The following CSMD1 variants were observed in gnomAD, a reference collection of about 807,000 sequenced individuals.
The protein encoded by CSMD1 is CUB and Sushi multiple domains 1.
In CSMD1, 213 loss-of-function variants were observed where a neutral mutation model predicts 417.5. The ratio of observed to expected loss-of-function variants is 0.51; its 90% CI spans 0.46 to 0.57. The LOEUF (loss-of-function observed/expected upper bound fraction) is 0.57, where lower values mean the gene tolerates loss of function less well. Ranked by LOEUF, CSMD1 falls within the 20% of genes least tolerant of loss-of-function variation. CSMD1 has a pLI of 0.00. For synonymous variants in CSMD1, 2,862 were observed against 1,736.8 expected (o/e 1.65, Z -16.11); for missense variants, 6,923 against 4,529.7 (o/e 1.53, Z -15.17).
intron 37 of CSMD1, among the ~76,000 whole-genome samples, chr8:3,164,075 A>G (rs1278704125): frequency 6.6e-6 from 1 of 152,148 alleles, no homozygotes; most frequent in Non-Finnish European, 1.5e-5. Flanking sequence ...ATCCTTCACC[A>G]GCTTGCCGAG....
intron 10 of CSMD1, among the ~76,000 whole-genome samples, chr8:3,514,644 C>G (rs1019071513): frequency 6.6e-6 from 1 of 152,054 alleles, no homozygotes; most frequent in Non-Finnish European, 1.5e-5. Context: ...TCATATATAA[C>G]CCAGGCTACA....
At chr8:4,115,700 G>C (rs1343473611) in intron 3 of CSMD1, among the ~76,000 whole-genome samples, 1 of 152,116 alleles carries the variant, frequency 6.6e-6, no homozygotes, top group Non-Finnish European at 1.5e-5. Context: ...CCTGTAAGAG[G>C]TGAGTGAATA....
chr8:3,891,044 TTTTTG>T (rs763567875), intron 5 of CSMD1, among the ~76,000 whole-genome samples: 1 of 152,030 alleles, frequency 6.6e-6, no homozygotes, highest in Non-Finnish European at 1.5e-5. Context: ...TTTTGTTTTT[TTTTTG>T]TTTTATTTTA....
chr8:4,076,330 G>A (rs184802741), intron 3 of CSMD1, among the ~76,000 whole-genome samples: 13 of 152,296 alleles, frequency 8.5e-5, no homozygotes, highest in East Asian at 1.9e-4. Flanking sequence ...CAGCCTTGCA[G>A]AACTGTGTGT....
At chr8:4,092,324 G>A (rs1159758174) in intron 3 of CSMD1, among the ~76,000 whole-genome samples, 1 of 152,232 alleles carries the variant, frequency 6.6e-6, no homozygotes, top group Non-Finnish European at 1.5e-5. Flanking sequence ...GTCCTTTCCT[G>A]TGTCTGATGC....
At chr8:3,145,977 T>G (rs918462174) in intron 40 of CSMD1, among the ~76,000 whole-genome samples, 1 of 152,256 alleles carries the variant, frequency 6.6e-6, no homozygotes, top group African/African-American at 2.4e-5. Flanking sequence ...AGTTAAACCC[T>G]AGTTTTTAGT....
intron 8 of CSMD1, among the ~76,000 whole-genome samples, chr8:3,603,520 C>T (rs571040991): frequency 6.6e-4 from 101 of 152,200 alleles, no homozygotes; most frequent in Middle Eastern, 6.8e-3. Flanking sequence ...GAGTAAAAAT[C>T]ACTTACAGAA....
intron 1 of CSMD1, among the ~76,000 whole-genome samples, chr8:4,699,957 C>T (rs903070555): frequency 6.6e-6 from 1 of 152,128 alleles, no homozygotes; most frequent in African/African-American, 2.4e-5. Flanking sequence ...ATAAGACAGG[C>T]TTGGATTCTG....
intron 1 of CSMD1, among the ~76,000 whole-genome samples, chr8:4,677,236 G>A (rs1805753636): frequency 6.6e-6 from 1 of 151,258 alleles, no homozygotes; most frequent in South Asian, 2.1e-4. Flanking sequence ...AATGCTCAGG[G>A]AATTTTAGAA....
At chr8:3,498,498 C>G (rs1796459407) in intron 10 of CSMD1, among the ~76,000 whole-genome samples, 1 of 152,146 alleles carries the variant, frequency 6.6e-6, no homozygotes, top group African/African-American at 2.4e-5. Flanking sequence ...GGCATTAGAT[C>G]TGTTTGGTGA....
chr8:4,724,625 TG>T (rs1186726623), intron 1 of CSMD1, among the ~76,000 whole-genome samples: 1 of 151,870 alleles, frequency 6.6e-6, no homozygotes, highest in Non-Finnish European at 1.5e-5. Flanking sequence ...TGATATTATT[TG>T]GAAAAAATAA....
At chr8:4,115,786 C>T (rs554644075) in intron 3 of CSMD1, among the ~76,000 whole-genome samples, 2 of 151,658 alleles carry the variant, frequency 1.3e-5, no homozygotes, top group Non-Finnish European at 2.9e-5. Flanking sequence ...CATGAAAAGT[C>T]ATGGTGGAAT....
At chr8:4,231,788 C>G (rs1021317960) in intron 3 of CSMD1, among the ~76,000 whole-genome samples, 6 of 152,178 alleles carry the variant, frequency 3.9e-5, no homozygotes, top group East Asian at 1.9e-4. Flanking sequence ...AGTCCCCATA[C>G]TCAGGGTTCT....
chr8:3,616,069 A>G (rs1206978041), intron 8 of CSMD1, among the ~76,000 whole-genome samples: 1 of 152,222 alleles, frequency 6.6e-6, no homozygotes, highest in Non-Finnish European at 1.5e-5. Flanking sequence ...AAGTTTTTTA[A>G]TGAAATAACT....
intron 50 of CSMD1, among the ~76,000 whole-genome samples, chr8:3,043,002 G>C (rs1811210829): frequency 6.6e-6 from 1 of 151,344 alleles, no homozygotes; most frequent in East Asian, 2.0e-4. Flanking sequence ...TATAGCGATA[G>C]GTTTCTATGA....
chr8:3,588,789 G>C (rs73179184), intron 8 of CSMD1, among the ~76,000 whole-genome samples: 1,987 of 152,176 alleles, frequency 0.013, 25 homozygotes, highest in Middle Eastern at 0.027. Flanking sequence ...AGAGTGAAGA[G>C]ACACCCTGCA....
At chr8:3,935,200 C>T (rs1009222494) in intron 5 of CSMD1, among the ~76,000 whole-genome samples, 1 of 152,090 alleles carries the variant, frequency 6.6e-6, no homozygotes, top group Admixed American at 6.6e-5. Flanking sequence ...TTACTAATAA[C>T]AAAGCTCCAA....
chr8:4,928,903 A>T (rs11136794), intron 1 of CSMD1, among the ~76,000 whole-genome samples: 3,280 of 152,030 alleles, frequency 0.022, 84 homozygotes, highest in African/African-American at 0.064. Flanking sequence ...ACCCCATCTC[A>T]ACTAAAAATA....
At chr8:4,655,109 T>C (rs1804145832) in intron 1 of CSMD1, among the ~76,000 whole-genome samples, 1 of 152,086 alleles carries the variant, frequency 6.6e-6, no homozygotes, top group Admixed American at 6.5e-5. Context: ...CCTATATTAC[T>C]AATTTCAAGG....
Sources: allele counts gnomAD v4.1 joint callset (sites outside exome capture counted in the v4.1 genomes callset), GRCh38; gene constraint gnomAD v4.1.1; transcripts MANE v1.5; gene names NCBI Gene and HGNC (gene_info 2026-07-23, HGNC 2026-07-21).